Variants in GLIS3 observed in about 807,000 individuals in gnomAD.
GLIS3 encodes the protein GLIS family zinc finger 3, also known as zinc finger protein GLIS3.
GLIS3 carries 53 observed loss-of-function variants against 78.6 expected under a neutral mutation model. That is an observed-to-expected ratio of 0.67 (90% CI 0.54 to 0.85). The LOEUF (loss-of-function observed/expected upper bound fraction) is 0.85. Ranked by LOEUF, GLIS3 falls within the 40% of genes least tolerant of loss-of-function variation. The pLI is 0.00. For synonymous variants in GLIS3, 684 were observed against 509.9 expected (o/e 1.34, Z -4.60); for missense variants, 1,703 against 1,231.1 (o/e 1.38, Z -5.74).
intron 4 of GLIS3, among the ~76,000 whole-genome samples, chr9:3,943,187 A>C (rs949910764): frequency 6.6e-6 from 1 of 152,210 alleles, no homozygotes; most frequent in African/African-American, 2.4e-5. Flanking sequence ...ATGCATTTAC[A>C]TGCTCTAGCA....
chr9:4,170,862 C>G (rs1409370038), intron 2 of GLIS3, among the ~76,000 whole-genome samples: 1 of 152,124 alleles, frequency 6.6e-6, no homozygotes, highest in Non-Finnish European at 1.5e-5. Context: ...CTCATGAATT[C>G]TCATAACTGG....
the GLIS3 span, among the ~76,000 whole-genome samples, chr9:4,472,457 G>C: frequency 6.6e-6 from 1 of 152,166 alleles, no homozygotes; most frequent in African/African-American, 2.4e-5. Flanking sequence ...GTCCTTTGTA[G>C]GGACATGGAT....
At chr9:4,170,778 CT>C (rs921236323) in intron 2 of GLIS3, among the ~76,000 whole-genome samples, 1 of 152,126 alleles carries the variant, frequency 6.6e-6, no homozygotes, top group Admixed American at 6.6e-5. Context: ...TAAAAACTAC[CT>C]AAATCCACAT....
chr9:4,387,296 T>C, the GLIS3 span, among the ~76,000 whole-genome samples: 2 of 134,756 alleles, frequency 1.5e-5, no homozygotes, highest in Non-Finnish European at 3.4e-5. Context: ...CCTCCCAGAA[T>C]TTTTTTTTTA....
chr9:4,267,944 C>CGT (rs757545130), intron 2 of GLIS3, among the ~76,000 whole-genome samples: 26,413 of 149,854 alleles, frequency 0.18, 2,536 homozygotes, highest in African/African-American at 0.25. Context: ...TATAAAAATA[C>CGT]CTGTGTGTGT....
At chr9:4,188,133 T>C (rs1409372086) in intron 2 of GLIS3, among the ~76,000 whole-genome samples, 1 of 151,290 alleles carries the variant, frequency 6.6e-6, no homozygotes, top group African/African-American at 2.4e-5. Context: ...GGCTGTGGGT[T>C]TGTCATAGAT....
intron 2 of GLIS3, among the ~76,000 whole-genome samples, chr9:4,202,338 A>C (rs1257253337): frequency 6.6e-6 from 1 of 151,218 alleles, no homozygotes; most frequent in Non-Finnish European, 1.5e-5. Flanking sequence ...TTTTTAGTAG[A>C]GACAGGGTTT....
Position 4,159,030 on chromosome 9 carries a change from G to GAAAAAAAAAAAAAAAAAAAAAAAAAAA in GLIS3, c.389-33090_389-33089insTTTTTTTTTTTTTTTTTTTTTTTTTTT. Among the ~76,000 whole-genome samples the GAAAAAAAAAAAAAAAAAAAAAAAAAAA allele has an allele frequency of 2.5e-5, 2 of 79,100 alleles. 1 individual carries two copies. The highest frequency in any genetic ancestry group is 2.9e-4 in the Admixed American group (2 of 7,002). The allele number at this position is 79,100 out of a possible 152,430, so 51.9% of individuals were successfully genotyped here. On this transcript the variant is annotated intron_variant, in intron 2 of 10. Coordinates refer to ENST00000381971, the MANE Select transcript of GLIS3 (RefSeq NM_001042413.2). ...GCTTGGTATGCTAGAGAAAGGAGAA[G>GAAAAAAAAAAAAAAAAAAAAAAAAAAA]AAGAAAAAAAAAAAAAAAAGCCAGG...
intron 4 of GLIS3, among the ~76,000 whole-genome samples, chr9:4,055,253 G>A (rs1008677692): frequency 1.3e-5 from 2 of 152,298 alleles, no homozygotes; most frequent in Admixed American, 1.3e-4. Flanking sequence ...GGGCTATTCT[G>A]AGAAATGTAG....
chr9:4,421,071 G>C, the GLIS3 span, among the ~76,000 whole-genome samples: 12 of 152,196 alleles, frequency 7.9e-5, no homozygotes, highest in African/African-American at 2.9e-4. Context: ...TAGTGAATTT[G>C]ACATCTTCAC....
chr9:4,195,402 G>T (rs548120921), intron 2 of GLIS3, among the ~76,000 whole-genome samples: 1 of 152,192 alleles, frequency 6.6e-6, no homozygotes, highest in Non-Finnish European at 1.5e-5. Context: ...GAGGCCAGCC[G>T]GTGCCACCGG....
At chr9:4,417,891 T>A in the GLIS3 span, among the ~76,000 whole-genome samples, 1 of 152,208 alleles carries the variant, frequency 6.6e-6, no homozygotes, top group Admixed American at 6.5e-5. Context: ...TATTTTGTAA[T>A]GTGGATTGGT....
intron 2 of GLIS3, among the ~76,000 whole-genome samples, chr9:4,158,813 G>GT (rs1182680960): frequency 6.6e-6 from 1 of 152,102 alleles, no homozygotes; most frequent in Non-Finnish European, 1.5e-5. Context: ...TCAAATAAGC[G>GT]TAAGTGCCAT....
At chr9:4,204,400 T>A (rs1211720837) in intron 2 of GLIS3, among the ~76,000 whole-genome samples, 1 of 152,048 alleles carries the variant, frequency 6.6e-6, no homozygotes, top group African/African-American at 2.4e-5. Context: ...CATGCATACA[T>A]CTGCAGGCAG....
At chr9:4,156,660 C>T (rs1586830617) in intron 2 of GLIS3, among the ~76,000 whole-genome samples, 1 of 152,164 alleles carries the variant, frequency 6.6e-6, no homozygotes, top group African/African-American at 2.4e-5. Flanking sequence ...TTTGGTTTCA[C>T]CCCATTAAAA....
At chr9:4,291,303 C>T (rs141955726) in intron 1 of GLIS3, among the ~76,000 whole-genome samples, 5 of 152,224 alleles carry the variant, frequency 3.3e-5, no homozygotes, top group African/African-American at 1.2e-4. Context: ...AGGGATTCTT[C>T]AAGACCATTC....
chr9:4,408,253 C>A, the GLIS3 span, among the ~76,000 whole-genome samples: 5 of 151,970 alleles, frequency 3.3e-5, no homozygotes, highest in Admixed American at 6.6e-5. Context: ...CCCAGCAATC[C>A]CACTGCTGAG....
At chr9:4,111,710 C>T (rs182757221) in intron 4 of GLIS3, among the ~76,000 whole-genome samples, 5 of 152,172 alleles carry the variant, frequency 3.3e-5, no homozygotes, top group Non-Finnish European at 7.4e-5. Context: ...GTATCTCTTA[C>T]GTAAAATCGC....
At chr9:3,986,655 T>G (rs1035085652) in intron 4 of GLIS3, among the ~76,000 whole-genome samples, 3 of 152,196 alleles carry the variant, frequency 2.0e-5, no homozygotes, top group Non-Finnish European at 4.4e-5. Context: ...CCACTGAAAG[T>G]CATCTGGCGG....
Sources: gnomAD v4.1 joint callset for allele counts (sites outside exome capture counted in the v4.1 genomes callset) on GRCh38, gnomAD v4.1.1 for gene constraint, MANE v1.5 for transcripts, NCBI Gene and HGNC (gene_info 2026-07-23, HGNC 2026-07-21) for gene names.